Variants in WDR27 observed in about 807,000 individuals in gnomAD.
WDR27 encodes WD repeat domain 27, also known as WD repeat-containing protein 27.
A neutral mutation model predicts 114.4 loss-of-function variants in WDR27; 100 were observed. The ratio of observed to expected loss-of-function variants is 0.87; its 90% CI spans 0.74 to 1.03. The LOEUF (loss-of-function observed/expected upper bound fraction) is 1.03, where lower values mean the gene tolerates loss of function less well. Ranked by LOEUF, WDR27 falls within the 50% of genes least tolerant of loss-of-function variation. WDR27 has a pLI of 0.00. For missense variants in WDR27, 1,129 were observed against 1,092.9 expected (o/e 1.03, Z -0.47); for synonymous variants, 449 against 423.1 (o/e 1.06, Z -0.75).
At chr6:169,571,465 G>T (rs940171081) in intron 25 of WDR27, among the ~76,000 whole-genome samples, 4 of 152,144 alleles carry the variant, frequency 2.6e-5, no homozygotes, top group Non-Finnish European at 5.9e-5. Context: ...CCAGCAATTA[G>T]CAGGAAAAGA....
At chr6:169,551,363 AC>A (rs1394112912) in intron 25 of WDR27, among the ~76,000 whole-genome samples, 11 of 152,078 alleles carry the variant, frequency 7.2e-5, no homozygotes, top group African/African-American at 2.7e-4. Flanking sequence ...CACAGAACTT[AC>A]CACTATCTCT....
chr6:169,678,317 C>T (rs576279663), intron 2 of WDR27, among the ~76,000 whole-genome samples: 25 of 152,318 alleles, frequency 1.6e-4, no homozygotes, highest in African/African-American at 6.0e-4. Context: ...GACACAGAGT[C>T]AATAGAGATA....
At chr6:169,441,417 T>C in the WDR27 span, among the ~76,000 whole-genome samples, 2 of 152,196 alleles carry the variant, frequency 1.3e-5, no homozygotes, top group African/African-American at 2.4e-5. Flanking sequence ...TCCACCTAAG[T>C]AGATTAGAGT....
intron 25 of WDR27, among the ~76,000 whole-genome samples, chr6:169,554,285 G>A (rs527445115): frequency 6.6e-6 from 1 of 152,244 alleles, no homozygotes; most frequent in East Asian, 1.9e-4. Context: ...GGCTGCAGTC[G>A]GGCACAAGTG....
intron 21 of WDR27, among the ~76,000 whole-genome samples, chr6:169,617,382 A>C (rs1331856575): frequency 6.6e-6 from 1 of 151,944 alleles, no homozygotes; most frequent in East Asian, 1.9e-4. Flanking sequence ...CCCCACCCTA[A>C]TCTTTTTTTT....
intron 25 of WDR27, among the ~76,000 whole-genome samples, chr6:169,475,867 C>A (rs892161920): frequency 2.6e-5 from 4 of 152,066 alleles, no homozygotes; most frequent in African/African-American, 9.7e-5. Context: ...TTGACTTTAT[C>A]TTTTATGGAC....
At chr6:169,656,717 C>T (rs1387214130) in intron 13 of WDR27, among the ~76,000 whole-genome samples, 1 of 152,210 alleles carries the variant, frequency 6.6e-6, no homozygotes, top group Non-Finnish European at 1.5e-5. Context: ...CAGCTCCCAG[C>T]TCCGCATTAG....
intron 21 of WDR27, among the ~76,000 whole-genome samples, chr6:169,616,441 C>T (rs1811844657): frequency 6.6e-6 from 1 of 152,044 alleles, no homozygotes; most frequent in African/African-American, 2.4e-5. Flanking sequence ...TGAGCCAAGA[C>T]TGCGCCACTG....
At chr6:169,627,202 G>T (rs1290892698) in intron 21 of WDR27, among the ~76,000 whole-genome samples, 4 of 152,174 alleles carry the variant, frequency 2.6e-5, no homozygotes, top group Admixed American at 2.6e-4. Context: ...GGACAAGAAT[G>T]AAATTTGATG....
intron 21 of WDR27, among the ~76,000 whole-genome samples, chr6:169,621,816 A>ATACACACGTATTCACG (rs1813422953): frequency 6.6e-6 from 1 of 152,184 alleles, no homozygotes; most frequent in African/African-American, 2.4e-5. Context: ...ATGCATTCAT[A>ATACACACGTATTCACG]CATATACACA....
Position 169,630,367 on chromosome 6 carries a change from G to A in WDR27, c.2223+2580C>T, listed in dbSNP as rs145210101. Among the ~76,000 whole-genome samples the A allele has an allele frequency of 1.1e-3, 162 of 152,086 alleles. 1 individual carries two copies. The East Asian group carries it at 0.021, about 20-fold the overall frequency. On this transcript the variant is annotated intron_variant, in intron 21 of 25. Coordinates refer to ENST00000448612, the MANE Select transcript of WDR27 (RefSeq NM_182552.5). Reference sequence around the variant, plus strand: ...GTAACAGCGAGTCACAGTTCAAATCGGCGCATGTCAAGTGAACAGATTCCA... The same window carrying A: ...GTAACAGCGAGTCACAGTTCAAATCAGCGCATGTCAAGTGAACAGATTCCA...
chr6:169,647,054 G>A (rs1001674019), intron 16 of WDR27, among the ~76,000 whole-genome samples: 7 of 152,158 alleles, frequency 4.6e-5, no homozygotes, highest in Admixed American at 4.6e-4. Context: ...CCCCAGGCAG[G>A]GGCACAGCTT....
chr6:169,672,993 G>A (rs1779147895), intron 2 of WDR27, among the ~76,000 whole-genome samples: 1 of 152,178 alleles, frequency 6.6e-6, no homozygotes, highest in Admixed American at 6.5e-5. Context: ...AGTGTTGGGG[G>A]TATACTGGGC....
intron 25 of WDR27, among the ~76,000 whole-genome samples, chr6:169,539,890 C>A (rs1255261889): frequency 3.9e-5 from 6 of 152,162 alleles, no homozygotes; most frequent in Non-Finnish European, 5.9e-5. Context: ...TTCTGTTAAC[C>A]TACATAGACT....
the WDR27 span, among the ~76,000 whole-genome samples, chr6:169,437,285 G>A: frequency 6.5e-5 from 8 of 123,998 alleles, no homozygotes; most frequent in Non-Finnish European, 1.7e-4. Context: ...TTAAGTATTG[G>A]TGTCAGGGGT....
At chr6:169,628,382 T>C (rs951632663) in intron 21 of WDR27, among the ~76,000 whole-genome samples, 8 of 152,282 alleles carry the variant, frequency 5.3e-5, no homozygotes, top group African/African-American at 1.9e-4. Flanking sequence ...ATTTGGAGCC[T>C]CATGCGCATC....
Position 169,457,561 on chromosome 6 carries a change from G to A in WDR27, c.*31C>T. The A allele has an allele frequency of 6.5e-7, 1 of 1,543,494 alleles. No individual in the cohort carries two copies. The highest frequency in any genetic ancestry group is 8.8e-7 in the Non-Finnish European group (1 of 1,142,484). ...TTAAGTTGTTCCTCACAGCATTCCTGGACCCAGCTCACAGGTCAGTGGTTA... is the reference window on the plus strand; with the variant it reads ...TTAAGTTGTTCCTCACAGCATTCCTAGACCCAGCTCACAGGTCAGTGGTTA... On this transcript the variant is annotated 3_prime_UTR_variant, in exon 26 of 26. Transcript: ENST00000448612.
chr6:169,468,559 C>G (rs1785916124), intron 25 of WDR27, among the ~76,000 whole-genome samples: 1 of 152,192 alleles, frequency 6.6e-6, no homozygotes, highest in South Asian at 2.1e-4. Flanking sequence ...ATTCAATTAC[C>G]TCCCACCAGG....
intron 25 of WDR27, among the ~76,000 whole-genome samples, chr6:169,561,003 CA>C (rs1799600321): frequency 6.6e-6 from 1 of 151,812 alleles, no homozygotes; most frequent in Admixed American, 6.6e-5. Flanking sequence ...ACTGTTTAAA[CA>C]AAATTGATAA....
Sources: gnomAD v4.1 joint callset for allele counts (sites outside exome capture counted in the v4.1 genomes callset) on GRCh38, gnomAD v4.1.1 for gene constraint, MANE v1.5 for transcripts, NCBI Gene and HGNC (gene_info 2026-07-23, HGNC 2026-07-21) for gene names.